Variants in ENTPD1 observed in about 807,000 individuals in gnomAD.
ENTPD1 encodes the protein ATP diphosphohydrolase.
ENTPD1 carries 33 observed loss-of-function variants against 57.0 expected under a neutral mutation model. That is an observed-to-expected ratio of 0.58 (90% CI 0.44 to 0.77). The LOEUF (loss-of-function observed/expected upper bound fraction) is 0.77, where lower values mean the gene tolerates loss of function less well. ENTPD1 is among the 30% of genes least tolerant of loss of function. ENTPD1 has a pLI of 0.00. For missense variants in ENTPD1, 501 were observed against 603.4 expected, an observed-to-expected ratio of 0.83 and a Z score of 1.78; for synonymous variants, 202 against 218.8, an observed-to-expected ratio of 0.92 and a Z score of 0.68.
intron 1 of ENTPD1, among the ~76,000 whole-genome samples, chr10:95,722,987 ACTTT>A (rs1379590955): frequency 6.6e-6 from 1 of 152,170 alleles, no homozygotes; most frequent in Non-Finnish European, 1.5e-5. Context: ...TTATTTTTCT[ACTTT>A]CTTCTGTTAG....
intron 1 of ENTPD1, among the ~76,000 whole-genome samples, chr10:95,759,020 G>C (rs2098043839): frequency 6.6e-6 from 1 of 152,218 alleles, no homozygotes; most frequent in African/African-American, 2.4e-5. Flanking sequence ...GCTTTCCTTA[G>C]AAGGTGGTAC....
At chr10:95,755,735 C>A, upstream of ENTPD1, 1 of 1,537,188 alleles carries the variant, frequency 6.5e-7, no homozygotes, top group Admixed American at 2.0e-5. Flanking sequence ...AAGAACTGTT[C>A]TTGACTTTCA....
intron 7 of ENTPD1, among the ~76,000 whole-genome samples, chr10:95,857,789 C>CA (rs1434269487): frequency 2.6e-5 from 4 of 152,186 alleles, no homozygotes; most frequent in Non-Finnish European, 5.9e-5. Flanking sequence ...CCTGCCATCA[C>CA]AGAGTTGGCA....
chr10:95,857,199 G>A (rs1004786566), intron 7 of ENTPD1, among the ~76,000 whole-genome samples: 1 of 152,182 alleles, frequency 6.6e-6, no homozygotes, highest in Admixed American at 6.5e-5. Context: ...AGGTGGCATG[G>A]ACCAGGAGGC....
At chr10:95,822,583 C>T (rs1349016206) in intron 1 of ENTPD1, among the ~76,000 whole-genome samples, 1 of 152,218 alleles carries the variant, frequency 6.6e-6, no homozygotes. Flanking sequence ...GTGTGAGCTG[C>T]CGTGTCCGGC....
intron 2 of ENTPD1, among the ~76,000 whole-genome samples, chr10:95,836,909 C>G (rs1308414362): frequency 6.6e-6 from 1 of 152,196 alleles, no homozygotes; most frequent in Non-Finnish European, 1.5e-5. Context: ...CTTTATCTGT[C>G]TCTCAAGCAG....
chr10:95,761,505 C>A (rs1343675369), intron 1 of ENTPD1, among the ~76,000 whole-genome samples: 1 of 152,124 alleles, frequency 6.6e-6, no homozygotes, highest in Non-Finnish European at 1.5e-5. Flanking sequence ...AATGACCAAG[C>A]TCTTCCCACC....
chr10:95,696,686 AT>A, the ENTPD1 span, among the ~76,000 whole-genome samples: 1 of 152,246 alleles, frequency 6.6e-6, no homozygotes, highest in African/African-American at 2.4e-5. Flanking sequence ...GAAGAATGAA[AT>A]TTATTCACAT....
intron 1 of ENTPD1, among the ~76,000 whole-genome samples, chr10:95,809,553 G>T (rs1306946148): frequency 7.1e-6 from 1 of 141,144 alleles, no homozygotes. Context: ...CCTCCCAGAT[G>T]GGGCGGATGC....
chr10:95,719,506 G>C (rs962561520), intron 1 of ENTPD1, among the ~76,000 whole-genome samples: 4 of 152,208 alleles, frequency 2.6e-5, no homozygotes, highest in Admixed American at 6.5e-5. Context: ...TTTGGGATGA[G>C]GATAAGCCAG....
intron 1 of ENTPD1, among the ~76,000 whole-genome samples, chr10:95,783,797 T>C (rs12258207): frequency 0.044 from 6,632 of 152,074 alleles, 468 homozygotes; most frequent in African/African-American, 0.15. Flanking sequence ...TTTGAATTTA[T>C]TTTTAGGGCA....
chr10:95,870,638 T>C lies in ENTPD1; in HGVS notation c.*4255T>C, dbSNP rs1047997313. On this transcript the variant is annotated 3_prime_UTR_variant, in exon 10 of 10. Coordinates refer to ENST00000371205, the MANE Select transcript of ENTPD1 (RefSeq NM_001776.6). ...TTGCCACATAATGATAAAATTACTA[T>C]GAAAATATATTCCCTTTATTGTCAG... is the stretch of plus-strand genomic sequence containing the variant. 9 of 985,354 alleles carry C rather than the reference T, an allele frequency of 9.1e-6. No individual in the cohort carries two copies. The African/African-American group carries it at 1.4e-4, about 15-fold the overall frequency. The allele number at this position is 985,354 out of a possible 1,614,324, so 61.0% of individuals were successfully genotyped here.
At position 95,868,349 on chromosome 10, in the gene ENTPD1, T is replaced by C; in HGVS notation, c.*1966T>C. 1.0e-6 allele frequency: 1 copy of C among 985,438 alleles called. No individual in the cohort carries two copies. The highest frequency in any genetic ancestry group is 1.2e-6 in the Non-Finnish European group (1 of 829,928). The allele number at this position is 985,438 out of a possible 1,614,324, so 61.0% of individuals were successfully genotyped here. A position where few individuals can be genotyped will look rare whatever the true frequency, so the allele number is the denominator to read the frequency against. ...CATAGAAAGGGAGGCAGAAAGCTGGTCTGTTCCTGATAGGCTTGTAATTTA... is the reference window on the plus strand; with the variant it reads ...CATAGAAAGGGAGGCAGAAAGCTGGCCTGTTCCTGATAGGCTTGTAATTTA... On this transcript the variant is annotated 3_prime_UTR_variant, in exon 10 of 10. Transcript: ENST00000371205.
At chr10:95,759,942 A>C (rs2098049460) in intron 1 of ENTPD1, among the ~76,000 whole-genome samples, 1 of 152,212 alleles carries the variant, frequency 6.6e-6, no homozygotes, top group African/African-American at 2.4e-5. Flanking sequence ...GTTAGGCTGC[A>C]AAGTCTGGGA....
intron 7 of ENTPD1, 93 bp downstream of exon 7, chr10:95,847,799 C>A: frequency 6.4e-7 from 1 of 1,571,712 alleles, no homozygotes; most frequent in South Asian, 1.1e-5. Flanking sequence ...ATGCATTTTT[C>A]TCTTACATAA....
intron 2 of ENTPD1, among the ~76,000 whole-genome samples, chr10:95,831,167 C>T (rs147337957): frequency 0.015 from 2,251 of 152,318 alleles, 28 homozygotes; most frequent in Middle Eastern, 0.044. Flanking sequence ...TGAGAGAAAA[C>T]TCCGAATGCT....
chr10:95,863,619 C>T (rs3181118), intron 8 of ENTPD1, among the ~76,000 whole-genome samples: 5,652 of 152,246 alleles, frequency 0.037, 129 homozygotes, highest in Non-Finnish European at 0.049. Flanking sequence ...ATGGACTTAT[C>T]CTTCCAGAAA....
chr10:95,818,170 C>G (rs2098336469), intron 1 of ENTPD1, among the ~76,000 whole-genome samples: 1 of 151,438 alleles, frequency 6.6e-6, no homozygotes, highest in South Asian at 2.1e-4. Flanking sequence ...GAAGGCGTCC[C>G]ACACTGAGAA....
chr10:95,823,936 G>A (rs1313123022), intron 2 of ENTPD1, among the ~76,000 whole-genome samples: 1 of 152,142 alleles, frequency 6.6e-6, no homozygotes, highest in East Asian at 1.9e-4. Flanking sequence ...TGAATTCATG[G>A]ATAGGCAGAT....
Sources: gnomAD v4.1 joint callset for allele counts (sites outside exome capture counted in the v4.1 genomes callset) on GRCh38, gnomAD v4.1.1 for gene constraint, MANE v1.5 for transcripts, NCBI Gene and HGNC (gene_info 2026-07-23, HGNC 2026-07-21) for gene names.